Variants in CDH4 observed in about 807,000 individuals in gnomAD.
CDH4 encodes the protein cadherin 4, also known as cadherin-4.
Under a neutral mutation model 86.0 loss-of-function variants are expected in CDH4, and 33 were observed. The ratio of observed to expected loss-of-function variants is 0.38; its 90% CI spans 0.29 to 0.51. The LOEUF (loss-of-function observed/expected upper bound fraction) is 0.51, where lower values mean the gene tolerates loss of function less well. Among genes scored for constraint, CDH4 ranks in the 20% least tolerant of loss-of-function variants. The pLI is 0.86. For missense variants in CDH4, 1,114 were observed against 1,307.4 expected (o/e 0.85, Z 2.28); for synonymous variants, 555 against 549.4 (o/e 1.01, Z -0.14).
intron 2 of CDH4, among the ~76,000 whole-genome samples, chr20:61,271,282 G>A (rs894624533): frequency 4.6e-5 from 7 of 152,190 alleles, no homozygotes; most frequent in African/African-American, 1.7e-4. Context: ...AAGGTTCTGC[G>A]ACGAGAGCAA....
rs188873229 is a variant in CDH4, at chr20:61,933,636, G to A, written c.2380-420G>A. Among the ~76,000 whole-genome samples the A allele has an allele frequency of 9.4e-5, 14 of 148,606 alleles. No individual in the cohort carries two copies. The East Asian group carries it at 1.7e-3, about 19-fold the overall frequency. ...CTCCCACAACACGACCATAACGAAC[G>A]TGAGGCATGTGCCTTGCGGAGGCCC... On this transcript the variant is annotated intron_variant, in intron 14 of 15. Coordinates refer to ENST00000614565, the MANE Select transcript of CDH4 (RefSeq NM_001794.5).
In CDH4 at chr20:61,773,185, G is replaced by A; in HGVS notation, c.576+3G>A. The A allele has an allele frequency of 6.4e-7, 1 of 1,561,904 alleles. No homozygotes were observed. Among genetic ancestry groups the A allele is most frequent in the Non-Finnish European group, 8.7e-7 (1 of 1,153,124 alleles). ...CCTTCCCGCAGCAGCTCGTGAGGGT[G>A]AGTGCAGACCCCTCCCGCGGGCACG... On this transcript the variant is annotated splice_donor_region_variant and intron_variant, in intron 4 of 15. Transcript: ENST00000614565.
intron 2 of CDH4, among the ~76,000 whole-genome samples, chr20:61,452,212 G>A (rs181054776): frequency 6.6e-6 from 1 of 152,300 alleles, no homozygotes; most frequent in Admixed American, 6.5e-5. Flanking sequence ...CAGGCAGGTG[G>A]CAGACTTACA....
intron 2 of CDH4, chr20:61,719,174 T>C (rs1167951700): frequency 4.3e-6 from 2 of 464,584 alleles, no homozygotes; most frequent in African/African-American, 4.1e-5. Context: ...TCAGCATCCA[T>C]GGGTTCTAAT....
intron 2 of CDH4, among the ~76,000 whole-genome samples, chr20:61,491,138 G>A (rs551392221): frequency 6.6e-6 from 1 of 152,336 alleles, no homozygotes; most frequent in African/African-American, 2.4e-5. Flanking sequence ...TTATAGCAGG[G>A]TTTTGTTTTC....
intron 2 of CDH4, among the ~76,000 whole-genome samples, chr20:61,515,449 A>C (rs926780541): frequency 2.0e-5 from 3 of 152,194 alleles, no homozygotes; most frequent in African/African-American, 7.2e-5. Flanking sequence ...CCTGGATGGG[A>C]AGGGGGACCC....
intron 2 of CDH4, among the ~76,000 whole-genome samples, chr20:61,634,254 T>C (rs1305860232): frequency 6.6e-6 from 1 of 152,084 alleles, no homozygotes; most frequent in Non-Finnish European, 1.5e-5. Flanking sequence ...TACCCCTCCT[T>C]CCTGTGTGTG....
At chr20:61,542,581 G>T (rs541257583) in intron 2 of CDH4, among the ~76,000 whole-genome samples, 1 of 152,044 alleles carries the variant, frequency 6.6e-6, no homozygotes, top group Admixed American at 6.6e-5. Context: ...AACAAATATC[G>T]TATTTTCCAC....
chr20:61,405,539 G>C (rs949079312), intron 2 of CDH4, among the ~76,000 whole-genome samples: 5 of 152,088 alleles, frequency 3.3e-5, no homozygotes, highest in Non-Finnish European at 7.4e-5. Flanking sequence ...TATTAGACGA[G>C]TTGATATTCT....
chr20:61,526,440 A>G (rs573695594), intron 2 of CDH4, among the ~76,000 whole-genome samples: 1 of 151,808 alleles, frequency 6.6e-6, no homozygotes, highest in East Asian at 1.9e-4. Flanking sequence ...CGATGGACTC[A>G]TGTTTATATA....
Position 61,334,693 on chromosome 20 carries a change from A to T in CDH4, c.169+79756A>T, listed in dbSNP as rs555440409. On this transcript the variant is annotated intron_variant, in intron 2 of 15. Coordinates refer to ENST00000614565, the MANE Select transcript of CDH4 (RefSeq NM_001794.5). ...CACCACGCTGGGGCTGGGTTTCAAC[A>T]TATGGATTTGGGGGTGGGGGACATG... Among the ~76,000 whole-genome samples, 23 of 152,140 alleles carry T rather than the reference A, an allele frequency of 1.5e-4. 1 individual carries two copies. The highest frequency in any genetic ancestry group is 2.6e-4 in the Non-Finnish European group (18 of 68,036).
chr20:61,665,432 T>G (rs1475413699), intron 2 of CDH4, among the ~76,000 whole-genome samples: 1 of 152,210 alleles, frequency 6.6e-6, no homozygotes, highest in African/African-American at 2.4e-5. Context: ...AACTGTGGGT[T>G]GAGGGGAGGC....
At position 61,480,381 on chromosome 20, in the gene CDH4, G is replaced by A. The variant is rs1039735710; in HGVS notation, c.169+225444G>A. On this transcript the variant is annotated intron_variant, in intron 2 of 15. Transcript: ENST00000614565. This position sits in a 1 kb window ranked among gnomAD's most constrained non-coding sequence, Gnocchi z 5.2. ...TCTGTCTATTTTGTTTGGGTTTCCC[G>A]TTGTTCCAAGGTGGGTGGTGGATAC... Among the ~76,000 whole-genome samples the A allele has an allele frequency of 1.1e-4, 17 of 152,194 alleles. No individual in the cohort carries two copies. Among genetic ancestry groups the A allele is most frequent in the Non-Finnish European group, 1.8e-4 (12 of 68,024 alleles).
chr20:61,808,025 C>T (rs572065388), intron 4 of CDH4, among the ~76,000 whole-genome samples: 1 of 152,184 alleles, frequency 6.6e-6, no homozygotes, highest in African/African-American at 2.4e-5. Flanking sequence ...TAATCCAGCT[C>T]CTGGGAATCC....
At chr20:61,280,239 C>T (rs189662571) in intron 2 of CDH4, among the ~76,000 whole-genome samples, 32 of 152,136 alleles carry the variant, frequency 2.1e-4, no homozygotes, top group Admixed American at 1.3e-4. Context: ...GGTGATGGTG[C>T]GGGGAGTTGC....
intron 2 of CDH4, among the ~76,000 whole-genome samples, chr20:61,300,346 C>T (rs527481065): frequency 1.3e-5 from 2 of 152,190 alleles, no homozygotes; most frequent in African/African-American, 4.8e-5. Context: ...GGGAACAGTG[C>T]GTGTGGAGGC....
At chr20:61,271,128 C>A (rs558766989) in intron 2 of CDH4, among the ~76,000 whole-genome samples, 1 of 152,102 alleles carries the variant, frequency 6.6e-6, no homozygotes, top group South Asian at 2.1e-4. Flanking sequence ...AATTTCAGCA[C>A]GTCAAGATTT....
intron 2 of CDH4, among the ~76,000 whole-genome samples, chr20:61,416,736 C>A (rs1376620547): frequency 6.6e-6 from 1 of 152,256 alleles, no homozygotes; most frequent in Non-Finnish European, 1.5e-5. Flanking sequence ...AGGCCCGCCC[C>A]TTGACGCCCT....
At chr20:61,929,893 C>A (rs2055087722) in intron 13 of CDH4, 51 bp downstream of exon 13, 1 of 1,460,286 alleles carries the variant, frequency 6.8e-7, no homozygotes. Context: ...GGTATGAGTG[C>A]CCTGTCCCAG....
Sources: gnomAD v4.1 joint callset for allele counts (sites outside exome capture counted in the v4.1 genomes callset) on GRCh38, gnomAD v4.1.1 for gene constraint, Gnocchi (gnomAD v3.1) non-coding constraint, MANE v1.5 for transcripts, NCBI Gene and HGNC (gene_info 2026-07-23, HGNC 2026-07-21) for gene names.